Variants in TFDP2 observed in about 807,000 individuals in gnomAD.
The protein encoded by TFDP2 is transcription factor Dp-2 (E2F dimerization partner 2).
TFDP2 carries 17 observed loss-of-function variants against 59.3 expected under a neutral mutation model. The ratio of observed to expected loss-of-function variants is 0.29; its 90% CI spans 0.20 to 0.43. The LOEUF (loss-of-function observed/expected upper bound fraction) is 0.43, where lower values mean the gene tolerates loss of function less well. Ranked by LOEUF, TFDP2 falls within the 20% of genes least tolerant of loss-of-function variation. The pLI, the probability that TFDP2 is intolerant of heterozygous loss-of-function variation, is 1.00. For synonymous variants in TFDP2, 180 were observed against 194.7 expected, an observed-to-expected ratio of 0.92 and a Z score of 0.63; for missense variants, 391 against 528.8, an observed-to-expected ratio of 0.74 and a Z score of 2.56.
chr3:142,089,423 C>T (rs1255642048), intron 3 of TFDP2, among the ~76,000 whole-genome samples: 1 of 151,932 alleles, frequency 6.6e-6, no homozygotes, highest in South Asian at 2.1e-4. Flanking sequence ...AAAAAATGAA[C>T]CTAACTTCAG....
At chr3:142,140,661 C>G (rs2062914067) in intron 1 of TFDP2, among the ~76,000 whole-genome samples, 2 of 152,210 alleles carry the variant, frequency 1.3e-5, no homozygotes, top group South Asian at 4.1e-4. Flanking sequence ...GAGGTCCACT[C>G]CAGACCCCGT....
At chr3:141,973,123 A>ATATATATATATATTTT in intron 8 of TFDP2, among the ~76,000 whole-genome samples, 6 of 58,022 alleles carry the variant, frequency 1.0e-4, no homozygotes, top group African/African-American at 3.9e-4. Flanking sequence ...ATATATATAT[A>ATATATATATATATTTT]TTTTTTTTTT....
intron 3 of TFDP2, among the ~76,000 whole-genome samples, chr3:142,013,493 T>C (rs540496349): frequency 2.0e-5 from 3 of 152,322 alleles, no homozygotes; most frequent in African/African-American, 7.2e-5. Context: ...CCTAAATTCA[T>C]AGCTCCTTGG....
chr3:142,100,916 G>A (rs2061298675), intron 2 of TFDP2, among the ~76,000 whole-genome samples: 1 of 152,136 alleles, frequency 6.6e-6, no homozygotes, highest in Non-Finnish European at 1.5e-5. Flanking sequence ...GGATCTTTCT[G>A]AGGGCCCATA....
At chr3:141,998,041 T>G (rs1357788349) in intron 4 of TFDP2, among the ~76,000 whole-genome samples, 3 of 152,134 alleles carry the variant, frequency 2.0e-5, no homozygotes, top group Non-Finnish European at 4.4e-5. Context: ...AGCAACACTC[T>G]GCTCCTTTCT....
chr3:142,013,890 T>C (rs1405943370), intron 3 of TFDP2, among the ~76,000 whole-genome samples: 1 of 152,144 alleles, frequency 6.6e-6, no homozygotes, highest in East Asian at 1.9e-4. Context: ...TATATGATGC[T>C]AATATAACTT....
At chr3:142,055,361 G>A (rs1361396710) in intron 3 of TFDP2, among the ~76,000 whole-genome samples, 1 of 152,134 alleles carries the variant, frequency 6.6e-6, no homozygotes, top group East Asian at 1.9e-4. Flanking sequence ...AATCACTCAC[G>A]GGACATATGG....
chr3:142,040,070 AT>A (rs1160697945), intron 3 of TFDP2, among the ~76,000 whole-genome samples: 2 of 151,794 alleles, frequency 1.3e-5, no homozygotes, highest in African/African-American at 4.8e-5. Flanking sequence ...TGTATACATG[AT>A]GTTTGCCATT....
chr3:142,026,165 C>G (rs1249732717), intron 3 of TFDP2, among the ~76,000 whole-genome samples: 1 of 151,976 alleles, frequency 6.6e-6, no homozygotes, highest in Non-Finnish European at 1.5e-5. Context: ...ACCATCCTGG[C>G]TAACATGATG....
At chr3:141,954,110 A>C (rs1318466275) in intron 11 of TFDP2, among the ~76,000 whole-genome samples, 1 of 151,922 alleles carries the variant, frequency 6.6e-6, no homozygotes, top group Non-Finnish European at 1.5e-5. Context: ...CAGTGAGCTG[A>C]GATTGCACCA....
At chr3:141,980,791 C>A (rs1288946438) in intron 6 of TFDP2, among the ~76,000 whole-genome samples, 2 of 152,148 alleles carry the variant, frequency 1.3e-5, no homozygotes, top group African/African-American at 4.8e-5. Context: ...CCGCCTTGGC[C>A]TCCCAAAGTG....
intron 3 of TFDP2, among the ~76,000 whole-genome samples, chr3:142,052,021 G>T (rs1378322238): frequency 6.6e-6 from 1 of 152,058 alleles, no homozygotes. Flanking sequence ...AGCTACCCGG[G>T]AGGCTGAGGT....
intron 3 of TFDP2, among the ~76,000 whole-genome samples, chr3:142,081,506 T>C (rs1400407563): frequency 6.6e-6 from 1 of 151,784 alleles, no homozygotes; most frequent in Non-Finnish European, 1.5e-5. Context: ...ATAAAACAAA[T>C]TGAAACACAG....
intron 2 of TFDP2, among the ~76,000 whole-genome samples, chr3:142,096,015 T>G (rs576812222): frequency 1.3e-5 from 2 of 152,360 alleles, no homozygotes; most frequent in South Asian, 4.1e-4. Context: ...GTTCAGTTAC[T>G]GGGTTACCGT....
At chr3:142,063,192 T>C (rs557844613) in intron 3 of TFDP2, among the ~76,000 whole-genome samples, 1 of 152,212 alleles carries the variant, frequency 6.6e-6, no homozygotes, top group Non-Finnish European at 1.5e-5. Context: ...TAACAGTCAA[T>C]CATAATCTCA....
At chr3:142,147,282 T>C (rs1280639707) in intron 1 of TFDP2, among the ~76,000 whole-genome samples, 2 of 152,234 alleles carry the variant, frequency 1.3e-5, no homozygotes, top group Non-Finnish European at 2.9e-5. Context: ...TTTGATTCTC[T>C]TTAAAATCCA....
chr3:142,026,284 C>T (rs1221380662), intron 3 of TFDP2, among the ~76,000 whole-genome samples: 8 of 151,586 alleles, frequency 5.3e-5, no homozygotes, highest in African/African-American at 7.3e-5. Flanking sequence ...GAACCTGGGA[C>T]GCAGAGCTTG....
At chr3:142,089,233 GAA>G (rs561451177) in intron 3 of TFDP2, among the ~76,000 whole-genome samples, 2 of 105,956 alleles carry the variant, frequency 1.9e-5, no homozygotes. Flanking sequence ...CTCCTCAGTA[GAA>G]AAAAAAAAAA....
intron 3 of TFDP2, among the ~76,000 whole-genome samples, chr3:142,075,431 T>C (rs1254647685): frequency 6.6e-6 from 1 of 152,162 alleles, no homozygotes; most frequent in Admixed American, 6.5e-5. Context: ...ATCAAATTCT[T>C]CCAGCCAATA....
Sources: allele counts gnomAD v4.1 joint callset (sites outside exome capture counted in the v4.1 genomes callset), GRCh38; gene constraint gnomAD v4.1.1; transcripts MANE v1.5; gene names NCBI Gene and HGNC (gene_info 2026-07-23, HGNC 2026-07-21).